TOMM6: variants seen among roughly 807,000 people sequenced by gnomAD.
The protein encoded by TOMM6 is translocase of outer mitochondrial membrane 6.
Under a neutral mutation model 6.0 loss-of-function variants are expected in TOMM6, and 6 were observed. That is an observed-to-expected ratio of 1.00 (90% confidence interval 0.55 to 1.98). TOMM6 has a LOEUF of 1.98. TOMM6 is among the 30% of genes most tolerant of loss of function. TOMM6 has a pLI of 0.00. For missense variants in TOMM6, 104 were observed against 95.3 expected (o/e 1.09, Z -0.38); for synonymous variants, 44 against 36.3 (o/e 1.21, Z -0.76).
At chr6:41,788,025 T>C in intron 1 of TOMM6, among the ~76,000 whole-genome samples, 200 bp downstream of exon 1, 1 of 152,242 alleles carries the variant, frequency 6.6e-6, no homozygotes, top group East Asian at 1.9e-4. Context: ...CTTTCTGTCA[T>C]GTGGCTGTAT....
rs1772757336 is a variant in TOMM6 at position 41,789,565 on chromosome 6, C to T, written c.*9-3C>T. ...CACCTGTCGTCTTATCATCTGATTG[C>T]AGACAAATGGAATCCTGTGCTGAAC... On this transcript the variant is annotated splice_polypyrimidine_tract_variant and splice_region_variant and intron_variant, in intron 2 of 2. Coordinates refer to ENST00000398881, the MANE Select transcript of TOMM6 (RefSeq NM_001382294.1). 2 of 446,712 alleles carry T rather than the reference C, an allele frequency of 4.5e-6. No individual in the cohort carries two copies. Among genetic ancestry groups the T allele is most frequent in the South Asian group, 2.5e-5 (1 of 40,282 alleles). 27.7% of individuals were successfully genotyped at this position (446,712 alleles called of 1,614,324 possible).
Position 41,789,573 on chromosome 6 carries a change from T to C in TOMM6, c.*14T>C. On this transcript the variant is annotated 3_prime_UTR_variant, in exon 3 of 3. Transcript: ENST00000398881. ...GTCTTATCATCTGATTGCAGACAAA[T>C]GGAATCCTGTGCTGAACCCGAATCT... is the stretch of plus-strand genomic sequence containing the variant. 2 of 428,394 alleles carry C rather than the reference T, an allele frequency of 4.7e-6. No individual in the cohort carries two copies. The highest frequency in any genetic ancestry group is 2.5e-5 in the South Asian group (1 of 39,228). The allele number at this position is 428,394 out of a possible 1,614,324, so 26.5% of individuals were successfully genotyped here.
Position 41,789,302 on chromosome 6 carries a change from C to T in TOMM6, c.199C>T (p.Leu67Phe). 6.4e-7 allele frequency: 1 copy of T among 1,551,680 alleles called. No homozygotes were observed. The change falls in exon 2 of 3, where the codon CTC (leucine) becomes TTC (phenylalanine). Residue 67 changes from leucine (L) to phenylalanine (F), a missense_variant. By Grantham distance (22) the Leu-to-Phe change is conservative. Transcript: ENST00000398881. ...GGCCAGGAACTTGAGTGACATTGAC[C>T]TCATGGCACCTCAGCCAGGGGTGTA... ...WLARNLSDID[L>F]MAPQPGV
intron 1 of TOMM6, among the ~76,000 whole-genome samples, chr6:41,788,567 C>T (rs1204312100): frequency 4.0e-5 from 6 of 150,092 alleles, no homozygotes; most frequent in Non-Finnish European, 7.4e-5. Flanking sequence ...ATTCTCCTGC[C>T]TCAGCCTCCC....
rs1466418510 is a variant in TOMM6, at chr6:41,789,196, T to G, written c.129-36T>G. On this transcript the variant is annotated intron_variant, in intron 1 of 2. Transcript: ENST00000398881. ...TTCGTTAACTGTACAACTGACTCAG[T>G]GACCACAGGGTTAATAAAACACATT... The G allele has an allele frequency of 2.6e-6, 4 of 1,533,426 alleles. No homozygotes were observed. The South Asian group carries it at 4.8e-5, about 18-fold the overall frequency. The allele number at this position is 1,533,426 out of a possible 1,614,324, so 95.0% of individuals were successfully genotyped here. A position where few individuals can be genotyped will look rare whatever the true frequency, so the allele number is the denominator to read the frequency against.
intron 1 of TOMM6, 149 bp from the exon 2 acceptor site, chr6:41,789,083 T>A (rs1772745042): frequency 8.5e-6 from 6 of 705,322 alleles, no homozygotes; most frequent in Non-Finnish European, 1.5e-5. Flanking sequence ...AACTCCAAAT[T>A]CCCACGTGGG....
rs70987535 is a variant in TOMM6, at chr6:41,788,443, C to CTTTTTT, written c.128+640_128+645dup. 1.8e-4 allele frequency among the ~76,000 whole-genome samples: 7 copies of CTTTTTT among 38,294 alleles called. 1 individual carries two copies. The highest frequency in any genetic ancestry group is 4.2e-4 in the Admixed American group (1 of 2,374). The allele number at this position is 38,294 out of a possible 152,430, so 25.1% of individuals were successfully genotyped here. A position where few individuals can be genotyped will look rare whatever the true frequency, so the allele number is the denominator to read the frequency against. The stretch of plus-strand genomic sequence containing the variant: ...ACAGGCGTGAGCCACCACGCCCGGC[C>CTTTTTT]TTTTTTTTTTTTTTTTTTTTTTTTT... On this transcript the variant is annotated intron_variant, in intron 1 of 2. Transcript: ENST00000398881.
chr6:41,787,879 C>G, intron 1 of TOMM6, 54 bp downstream of exon 1: 4 of 1,536,288 alleles, frequency 2.6e-6, no homozygotes, highest in Non-Finnish European at 2.6e-6. Context: ...CCGTATTTCC[C>G]CTTTCTTGCG....
chr6:41,789,520 T>C (rs1012178562), intron 2 of TOMM6, 48 bp from the exon 3 acceptor site: 28 of 553,836 alleles, frequency 5.1e-5, no homozygotes, highest in Middle Eastern at 4.3e-4. Flanking sequence ...TTCCCTCCCA[T>C]ACTTTTACAG....
At chr6:41,787,849 TC>T in intron 1 of TOMM6, 24 bp downstream of exon 1, 2 of 1,551,462 alleles carry the variant, frequency 1.3e-6, no homozygotes, top group Non-Finnish European at 1.7e-6. Context: ...AGGAACTTGG[TC>T]CTTTTCTGGC....
At chr6:41,789,114 C>T in intron 1 of TOMM6, 118 bp from the exon 2 acceptor site, 5 of 931,760 alleles carry the variant, frequency 5.4e-6, no homozygotes, top group Non-Finnish European at 8.4e-6. Flanking sequence ...CCTGCCGTCA[C>T]AACCACGTAT....
In TOMM6 at chr6:41,787,734, T is replaced by C. The variant is rs1259171837; in HGVS notation, c.37T>C (p.Ser13Pro). ...CACTGTCCCGGTGAGCGCTGCTGGCTCGGCTAATGAAACTCCCGAAATACC... is the reference window on the plus strand; with the variant it reads ...CACTGTCCCGGTGAGCGCTGCTGGCCCGGCTAATGAAACTCCCGAAATACC... ...SSTVPVSAAGSANETPEIPDN... is the reference protein window; with the variant it reads ...SSTVPVSAAGPANETPEIPDN... The change falls in exon 1 of 3, where the codon TCG (serine) becomes CCG (proline). Residue 13 changes from serine to proline, a missense_variant. Coordinates refer to ENST00000398881, the MANE Select transcript of TOMM6 (RefSeq NM_001382294.1). 1 of 1,551,522 alleles carries C rather than the reference T, an allele frequency of 6.4e-7. No homozygotes were observed. Among genetic ancestry groups the C allele is most frequent in the Non-Finnish European group, 8.7e-7 (1 of 1,146,996 alleles).
At chr6:41,789,104 C>G in intron 1 of TOMM6, 128 bp from the exon 2 acceptor site, 1 of 838,966 alleles carries the variant, frequency 1.2e-6, no homozygotes, top group South Asian at 1.5e-5. Flanking sequence ...TCTTGAGCAA[C>G]CTGCCGTCAC....
intron 1 of TOMM6, among the ~76,000 whole-genome samples, 195 bp from the exon 2 acceptor site, chr6:41,789,036 GC>G (rs1441588136): frequency 6.6e-6 from 1 of 152,184 alleles, no homozygotes; most frequent in Non-Finnish European, 1.5e-5. Context: ...GAACCACCGC[GC>G]CCAGCCTGAC....
Position 41,789,654 on chromosome 6 carries a change from G to A in TOMM6, c.*95G>A. 1 of 269,160 alleles carries A rather than the reference G, an allele frequency of 3.7e-6. No homozygotes were observed. The highest frequency in any genetic ancestry group is 4.5e-5 in the South Asian group (1 of 22,392). 16.7% of individuals were successfully genotyped at this position (269,160 alleles called of 1,614,324 possible). On this transcript the variant is annotated 3_prime_UTR_variant, in exon 3 of 3. Coordinates refer to ENST00000398881, the MANE Select transcript of TOMM6 (RefSeq NM_001382294.1). ...CACAAGATGTGCCCTGATGGCAGCT[G>A]AAGTTTGATTCAGATGGGCACTTTT... is the stretch of plus-strand genomic sequence containing the variant.
At chr6:41,788,443 C>CACA (rs1772726212) in intron 1 of TOMM6, among the ~76,000 whole-genome samples, 6 of 38,262 alleles carry the variant, frequency 1.6e-4, no homozygotes, top group Admixed American at 8.4e-4. Context: ...CACGCCCGGC[C>CACA]TTTTTTTTTT....
intron 1 of TOMM6, among the ~76,000 whole-genome samples, chr6:41,788,152 T>G (rs1471772160): frequency 2.0e-5 from 3 of 150,332 alleles, no homozygotes; most frequent in South Asian, 2.1e-4. Context: ...TTTTGTTTTT[T>G]TTTTTTTTTT....
chr6:41,788,914 T>A (rs1426391769), intron 1 of TOMM6, among the ~76,000 whole-genome samples: 1 of 151,376 alleles, frequency 6.6e-6, no homozygotes, highest in Non-Finnish European at 1.5e-5. Flanking sequence ...CCCAGCTAAT[T>A]TTTGTATTTT....
Position 41,789,450 on chromosome 6 carries a change from A to G in TOMM6, c.*8+114A>G, listed in dbSNP as rs1255280838. The G allele has an allele frequency of 6.3e-6, 5 of 794,068 alleles. No homozygotes were observed. In the Admixed American group the frequency reaches 1.2e-4, roughly 18 times the overall value. The allele number at this position is 794,068 out of a possible 1,614,324, so 49.2% of individuals were successfully genotyped here. A position where few individuals can be genotyped will look rare whatever the true frequency, so the allele number is the denominator to read the frequency against. On this transcript the variant is annotated intron_variant, in intron 2 of 2. Transcript: ENST00000398881. ...AAAAGAATGTGATGTAAAACCCTTAACTATTCCTAGTTAAATGTGTTTTCA... is the reference window on the plus strand; with the variant it reads ...AAAAGAATGTGATGTAAAACCCTTAGCTATTCCTAGTTAAATGTGTTTTCA...
Sources: gnomAD v4.1 joint callset for allele counts (sites outside exome capture counted in the v4.1 genomes callset) on GRCh38, gnomAD v4.1.1 for gene constraint, MANE v1.5 for transcripts, NCBI Gene and HGNC (gene_info 2026-07-23, HGNC 2026-07-21) for gene names.